The following CACNB2 variants were observed in gnomAD, a reference collection of about 807,000 sequenced individuals.
CACNB2 encodes the protein calcium voltage-gated channel auxiliary subunit beta 2.
Under a neutral mutation model 73.3 loss-of-function variants are expected in CACNB2, and 42 were observed. The ratio of observed to expected loss-of-function variants is 0.57; its 90% CI spans 0.45 to 0.74. The LOEUF is 0.74. CACNB2 is among the 30% of genes least tolerant of loss of function. The probability of loss-of-function intolerance (pLI) is 0.00; values close to 1 mark genes in which losing one functional copy is unlikely to be tolerated. For synonymous variants in CACNB2, 348 were observed against 310.3 expected, an observed-to-expected ratio of 1.12 and a Z score of -1.28; for missense variants, 940 against 853.0, an observed-to-expected ratio of 1.10 and a Z score of -1.27.
At chr10:18,536,317 G>T (rs2053597777) in intron 12 of CACNB2, 121 bp downstream of exon 12, 2 of 618,422 alleles carry the variant, frequency 3.2e-6, no homozygotes, top group Non-Finnish European at 2.7e-6. Flanking sequence ...GGAGTGCAGT[G>T]GTATGGTCTT....
intron 2 of CACNB2, among the ~76,000 whole-genome samples, chr10:18,325,099 C>T (rs978945558): frequency 5.3e-5 from 8 of 152,182 alleles, no homozygotes; most frequent in African/African-American, 1.9e-4. Context: ...ACTGGGTCCC[C>T]CAGTCATGTA....
chr10:18,189,283 A>T (rs766327471), intron 2 of CACNB2, among the ~76,000 whole-genome samples: 83 of 152,324 alleles, frequency 5.4e-4, no homozygotes, highest in Non-Finnish European at 9.0e-4. Flanking sequence ...AAAAATAGCT[A>T]CTAATCTATT....
rs113880339 is a variant in CACNB2 at position 18,310,537 on chromosome 10, G to A, written c.214-91387G>A. Among the ~76,000 whole-genome samples, 11 of 144,934 alleles carry A rather than the reference G, an allele frequency of 7.6e-5. No individual in the cohort carries two copies. In the East Asian group the frequency reaches 1.0e-3, roughly 14 times the overall value. On this transcript the variant is annotated intron_variant, in intron 2 of 13. Coordinates refer to ENST00000324631, the MANE Select transcript of CACNB2 (RefSeq NM_201596.3). ...GGAGAATCAGTTGAACCCAGGAGGC[G>A]GAGTTTGTGGTGAGCCAAGATCATG...
At chr10:18,362,904 G>A (rs2042200092) in intron 2 of CACNB2, among the ~76,000 whole-genome samples, 1 of 104,448 alleles carries the variant, frequency 9.6e-6, no homozygotes, top group Non-Finnish European at 2.0e-5. Context: ...GTGAAACTCT[G>A]TTTAAAAAAA....
intron 3 of CACNB2, among the ~76,000 whole-genome samples, chr10:18,463,323 A>C (rs1173518958): frequency 6.6e-6 from 1 of 152,114 alleles, no homozygotes; most frequent in Admixed American, 6.6e-5. Context: ...CAGGAGTTCA[A>C]GATCAGCCTG....
intron 3 of CACNB2, among the ~76,000 whole-genome samples, chr10:18,409,078 A>G (rs920928779): frequency 2.0e-5 from 3 of 152,038 alleles, no homozygotes; most frequent in African/African-American, 7.2e-5. Context: ...CAGATGGATC[A>G]CCTGAGGTCA....
At chr10:18,400,921 G>A (rs2043961622) in intron 2 of CACNB2, 5 of 1,574,704 alleles carry the variant, frequency 3.2e-6, no homozygotes, top group East Asian at 2.4e-5. Flanking sequence ...GAGAACAGGG[G>A]CTTGCCCAGA....
intron 3 of CACNB2, among the ~76,000 whole-genome samples, chr10:18,455,948 A>G (rs1290397978): frequency 6.6e-6 from 1 of 152,220 alleles, no homozygotes; most frequent in Non-Finnish European, 1.5e-5. Context: ...ATTTTGTTCC[A>G]TTAAAGCTGA....
At position 18,461,540 on chromosome 10, in the gene CACNB2, G is replaced by A. The variant is rs570810952; in HGVS notation, c.334-36815G>A. Among the ~76,000 whole-genome samples, 7 of 151,366 alleles carry A rather than the reference G, an allele frequency of 4.6e-5. No homozygotes were observed. The East Asian group carries it at 5.9e-4, about 13-fold the overall frequency. ...TTGGCACCAGGGAACGAGTTTCCTG[G>A]AAGACTATTTTTCCACAGGTGGGGA... On this transcript the variant is annotated intron_variant, in intron 3 of 13. Transcript: ENST00000324631.
At chr10:18,529,737 TTATTTC>T (rs1183026980) in intron 10 of CACNB2, among the ~76,000 whole-genome samples, 1 of 152,236 alleles carries the variant, frequency 6.6e-6, no homozygotes, top group Non-Finnish European at 1.5e-5. Context: ...AGGTTGGAGC[TTATTTC>T]TATTAGTCTG....
At chr10:18,340,515 GAAGA>G (rs1401676705) in intron 2 of CACNB2, among the ~76,000 whole-genome samples, 3 of 152,158 alleles carry the variant, frequency 2.0e-5, no homozygotes, top group African/African-American at 7.2e-5. Flanking sequence ...GTTCTGTTCT[GAAGA>G]AAGGATTCTC....
chr10:18,162,909 G>A (rs575057579), intron 2 of CACNB2, among the ~76,000 whole-genome samples: 9 of 152,302 alleles, frequency 5.9e-5, no homozygotes, highest in African/African-American at 1.2e-4. Flanking sequence ...GATGCACAAT[G>A]TGTTTCTGGG....
chr10:18,166,474 C>T (rs1254395158), intron 2 of CACNB2, among the ~76,000 whole-genome samples: 1 of 152,214 alleles, frequency 6.6e-6, no homozygotes, highest in South Asian at 2.1e-4. Flanking sequence ...GATCTGCCCA[C>T]CTCAGCCTCC....
chr10:18,314,631 TA>T (rs766843402), intron 2 of CACNB2, among the ~76,000 whole-genome samples: 14 of 152,198 alleles, frequency 9.2e-5, no homozygotes, highest in Non-Finnish European at 1.9e-4. Flanking sequence ...TAAATCAGTC[TA>T]TTACTGTTGC....
chr10:18,258,035 C>T (rs979577423), intron 2 of CACNB2, among the ~76,000 whole-genome samples: 7 of 152,086 alleles, frequency 4.6e-5, no homozygotes, highest in Non-Finnish European at 1.0e-4. Flanking sequence ...TGAGCCACCC[C>T]GCCCAGCCTC....
At chr10:18,301,098 C>CT (rs1478594771) in intron 2 of CACNB2, among the ~76,000 whole-genome samples, 1 of 152,176 alleles carries the variant, frequency 6.6e-6, no homozygotes, top group African/African-American at 2.4e-5. Flanking sequence ...AAAAAGGGGA[C>CT]TCGTGTTCGG....
At position 18,150,880 on chromosome 10, in the gene CACNB2, T is replaced by TTTTTTTTTTTTTGA; in HGVS notation, c.121-3_121-2insTTTTTTTTTTTTGA. ...CTTTTTTTTTTTTTTTTTTTTTTTT[T>TTTTTTTTTTTTTGA]AGTCATATGGAAAAGGAGCCAGAAG... On this transcript the variant is annotated splice_polypyrimidine_tract_variant and splice_region_variant and intron_variant, in intron 1 of 13. Transcript: ENST00000324631. 7.7e-7 allele frequency: 1 copy of TTTTTTTTTTTTTGA among 1,300,366 alleles called. No individual in the cohort carries two copies. Among genetic ancestry groups the TTTTTTTTTTTTTGA allele is most frequent in the Non-Finnish European group, 1.1e-6 (1 of 943,298 alleles). The allele number at this position is 1,300,366 out of a possible 1,614,324, so 80.6% of individuals were successfully genotyped here.
In CACNB2 at chr10:18,283,304, A is replaced by G. The variant is rs372653206; in HGVS notation, c.214-118620A>G. On this transcript the variant is annotated intron_variant, in intron 2 of 13. Transcript: ENST00000324631. The stretch of plus-strand genomic sequence containing the variant: ...AGAACTAGAAATACCATTTGACCCA[A>G]CCATCCCATTACTGGGTATATACCC... Among the ~76,000 whole-genome samples, 19 of 152,264 alleles carry G rather than the reference A, an allele frequency of 1.2e-4. 1 individual carries two copies. Among genetic ancestry groups the G allele is most frequent in the Admixed American group, 1.1e-3 (17 of 15,290 alleles).
At chr10:18,421,039 T>G (rs2045291471) in intron 3 of CACNB2, among the ~76,000 whole-genome samples, 1 of 152,158 alleles carries the variant, frequency 6.6e-6, no homozygotes, top group Non-Finnish European at 1.5e-5. Flanking sequence ...GAAATGTATT[T>G]TTTAGGAGAG....
Sources: gnomAD v4.1 joint callset for allele counts (sites outside exome capture counted in the v4.1 genomes callset) on GRCh38, gnomAD v4.1.1 for gene constraint, MANE v1.5 for transcripts, NCBI Gene and HGNC (gene_info 2026-07-23, HGNC 2026-07-21) for gene names.